MKLN1: variants seen among roughly 807,000 people sequenced by gnomAD.
MKLN1 encodes the protein muskelin.
In MKLN1, 18 loss-of-function variants were observed where a neutral mutation model predicts 99.0. The ratio of observed to expected loss-of-function variants is 0.18; its 90% CI spans 0.13 to 0.27. MKLN1 has a LOEUF of 0.27. Ranked by LOEUF, MKLN1 falls within the 10% of genes least tolerant of loss-of-function variation. MKLN1 has a pLI of 1.00. For synonymous variants in MKLN1, 288 were observed against 293.2 expected (o/e 0.98, Z 0.18); for missense variants, 621 against 875.9 (o/e 0.71, Z 3.67).
At chr7:131,322,525 A>G (rs1395662568) in intron 3 of MKLN1, among the ~76,000 whole-genome samples, 4 of 150,154 alleles carry the variant, frequency 2.7e-5, no homozygotes, top group African/African-American at 7.3e-5. Flanking sequence ...AGGCAGTAGG[A>G]GAGAGAAAGC....
intron 17 of MKLN1, among the ~76,000 whole-genome samples, chr7:131,483,716 AAACAGATGGTG>A (rs1797188931): frequency 6.6e-6 from 1 of 152,238 alleles, no homozygotes; most frequent in Non-Finnish European, 1.5e-5. Context: ...ATGTGGCACC[AAACAGATGGTG>A]AAAGGGCTGT....
chr7:131,322,814 C>G (rs960692412), intron 3 of MKLN1, among the ~76,000 whole-genome samples: 1 of 152,008 alleles, frequency 6.6e-6, no homozygotes, highest in African/African-American at 2.4e-5. Context: ...TCATGATCCA[C>G]CCGCCTCGGC....
intron 3 of MKLN1, among the ~76,000 whole-genome samples, chr7:131,285,956 A>AC (rs58134150): frequency 0.11 from 15,903 of 139,382 alleles, 914 homozygotes; most frequent in African/African-American, 0.15. Flanking sequence ...GCATCTATGG[A>AC]CTTTTTTTTT....
intron 3 of MKLN1, among the ~76,000 whole-genome samples, chr7:131,279,164 G>T (rs1317742703): frequency 6.6e-6 from 1 of 152,178 alleles, no homozygotes; most frequent in Admixed American, 6.6e-5. Flanking sequence ...AGTGGGAGAG[G>T]CAGATAGGAA....
chr7:131,281,177 G>A (rs1468865060), intron 3 of MKLN1, among the ~76,000 whole-genome samples: 3 of 150,596 alleles, frequency 2.0e-5, no homozygotes, highest in Non-Finnish European at 3.0e-5. Flanking sequence ...TTTAATTCAT[G>A]CATTTAGGCC....
At chr7:131,191,717 C>CTT (rs566378729) in intron 2 of MKLN1, among the ~76,000 whole-genome samples, 96 of 137,828 alleles carry the variant, frequency 7.0e-4, no homozygotes, top group South Asian at 1.6e-3. Flanking sequence ...CTTTTTTTTC[C>CTT]TTTTTTTTTT....
intron 3 of MKLN1, among the ~76,000 whole-genome samples, chr7:131,216,178 T>G (rs989343327): frequency 1.3e-5 from 2 of 152,080 alleles, no homozygotes; most frequent in African/African-American, 4.8e-5. Flanking sequence ...GGCAGGCAGA[T>G]CACCTGAGGT....
chr7:131,436,734 T>C (rs964708914), intron 9 of MKLN1, among the ~76,000 whole-genome samples: 1 of 152,232 alleles, frequency 6.6e-6, no homozygotes, highest in African/African-American at 2.4e-5. Context: ...TTAAACCCTA[T>C]GCAATTGAAG....
intron 3 of MKLN1, among the ~76,000 whole-genome samples, chr7:131,234,674 G>A (rs1389629859): frequency 2.0e-5 from 3 of 152,096 alleles, no homozygotes; most frequent in African/African-American, 7.2e-5. Flanking sequence ...TCAATGAATG[G>A]CAAGCCATTC....
chr7:131,117,761 A>G (rs1795300453), intron 1 of MKLN1, among the ~76,000 whole-genome samples: 1 of 152,232 alleles, frequency 6.6e-6, no homozygotes, highest in African/African-American at 2.4e-5. Flanking sequence ...ATGGTTGCCC[A>G]GATTAAGGCA....
intron 2 of MKLN1, among the ~76,000 whole-genome samples, chr7:131,188,792 A>G (rs1193651001): frequency 6.6e-6 from 1 of 152,206 alleles, no homozygotes; most frequent in African/African-American, 2.4e-5. Flanking sequence ...ATCATCATCT[A>G]AAACAGCGTG....
intron 14 of MKLN1, 34 bp from the exon 15 acceptor site, chr7:131,466,241 AT>A (rs751897723): frequency 2.0e-6 from 3 of 1,520,190 alleles, no homozygotes; most frequent in Non-Finnish European, 1.8e-6. Flanking sequence ...GTATGCATGC[AT>A]TTTTAAAAAT....
chr7:131,303,283 C>G (rs571481979), intron 3 of MKLN1, among the ~76,000 whole-genome samples: 1 of 152,342 alleles, frequency 6.6e-6, no homozygotes, highest in African/African-American at 2.4e-5. Flanking sequence ...CAGGCGGAGG[C>G]TGCAGCTGCT....
chr7:131,331,436 C>T (rs564626707), intron 1 of MKLN1, among the ~76,000 whole-genome samples: 1 of 152,222 alleles, frequency 6.6e-6, no homozygotes, highest in African/African-American at 2.4e-5. Flanking sequence ...TATTTTAGAG[C>T]TAGGAAAAGT....
At chr7:131,434,932 G>A (rs1055026840) in intron 9 of MKLN1, among the ~76,000 whole-genome samples, 1 of 152,186 alleles carries the variant, frequency 6.6e-6, no homozygotes, top group African/African-American at 2.4e-5. Flanking sequence ...TAAGTGGTGA[G>A]AAAAGACATC....
In MKLN1 at chr7:131,490,070, A is replaced by G. The variant is rs191028260; in HGVS notation, c.*2342A>G. 6.5e-6 allele frequency: 1 copy of G among 152,736 alleles called. No individual in the cohort carries two copies. Among genetic ancestry groups the G allele is most frequent in the East Asian group, 1.9e-4 (1 of 5,186 alleles). 9.5% of individuals were successfully genotyped at this position (152,736 alleles called of 1,614,324 possible). A position where few individuals can be genotyped will look rare whatever the true frequency, so the allele number is the denominator to read the frequency against. On this transcript the variant is annotated 3_prime_UTR_variant, in exon 18 of 18. Coordinates refer to ENST00000352689, the MANE Select transcript of MKLN1 (RefSeq NM_013255.5). ...GTAGTGCTTCATATATCCATGACCA[A>G]GATTGACATGTTGCTCACAACATGT...
intron 3 of MKLN1, among the ~76,000 whole-genome samples, chr7:131,254,554 A>G (rs991563287): frequency 1.3e-5 from 2 of 152,208 alleles, no homozygotes; most frequent in Non-Finnish European, 2.9e-5. Flanking sequence ...GGAAGGGATG[A>G]TGACAATGCC....
chr7:131,360,739 T>C (rs892818091), intron 1 of MKLN1, among the ~76,000 whole-genome samples: 4 of 152,210 alleles, frequency 2.6e-5, no homozygotes, highest in African/African-American at 9.6e-5. Flanking sequence ...TTAATCCTTC[T>C]CTGACCCTCT....
Position 131,245,268 on chromosome 7 carries a change from C to CTT in MKLN1, c.-179+42311_-179+42312dup, listed in dbSNP as rs34255726. Among the ~76,000 whole-genome samples, 907 of 129,556 alleles carry CTT rather than the reference C, an allele frequency of 7.0e-3. 25 individuals are homozygous for CTT. The highest frequency in any genetic ancestry group is 0.02 in the African/African-American group (698 of 34,480). The allele number at this position is 129,556 out of a possible 152,430, so 85.0% of individuals were successfully genotyped here. ...TGATCCCATAAGATTATTATACGGT[C>CTT]TTTTTTTTTTTTTTTTTTGAGACAG... On this transcript the variant is annotated intron_variant, in intron 3 of 7. Transcript: ENST00000416992.
Sources: allele counts gnomAD v4.1 joint callset (sites outside exome capture counted in the v4.1 genomes callset), GRCh38; gene constraint gnomAD v4.1.1; transcripts MANE v1.5; gene names NCBI Gene and HGNC (gene_info 2026-07-23, HGNC 2026-07-21).